CELF4: variants seen among roughly 807,000 people sequenced by gnomAD.
CELF4 encodes the protein CUGBP Elav-like family member 4.
A neutral mutation model predicts 59.9 loss-of-function variants in CELF4; 18 were observed. That is an observed-to-expected ratio of 0.30 (90% CI 0.21 to 0.45). The LOEUF is 0.45. Ranked by LOEUF, CELF4 falls within the 20% of genes least tolerant of loss-of-function variation. The probability of loss-of-function intolerance (pLI) is 1.00; values close to 1 mark genes in which losing one functional copy is unlikely to be tolerated. For synonymous variants in CELF4, 261 were observed against 267.1 expected (o/e 0.98, Z 0.22); for missense variants, 456 against 689.0 (o/e 0.66, Z 3.79).
At chr18:37,437,452 C>T (rs549041769) in intron 2 of CELF4, among the ~76,000 whole-genome samples, 3 of 152,250 alleles carry the variant, frequency 2.0e-5, no homozygotes, top group Admixed American at 1.3e-4. Flanking sequence ...ACCAAACGAT[C>T]CAGAGAGCAC....
At chr18:37,352,892 A>G (rs1569567383) in intron 2 of CELF4, among the ~76,000 whole-genome samples, 1 of 152,098 alleles carries the variant, frequency 6.6e-6, no homozygotes, top group East Asian at 1.9e-4. Flanking sequence ...GCGCCTTGCC[A>G]TTGGTGCCCG....
intron 2 of CELF4, among the ~76,000 whole-genome samples, chr18:37,351,015 C>G (rs886583724): frequency 6.6e-6 from 1 of 152,194 alleles, no homozygotes; most frequent in African/African-American, 2.4e-5. Flanking sequence ...CACATCCCTA[C>G]CCACCTCCCC....
At chr18:37,282,607 C>T (rs1889447046) in intron 3 of CELF4, among the ~76,000 whole-genome samples, 1 of 152,140 alleles carries the variant, frequency 6.6e-6, no homozygotes, top group Admixed American at 6.5e-5. Flanking sequence ...AGCAGCAGAA[C>T]TGCCTTCTAA....
Position 37,357,484 on chromosome 18 carries a change from G to A in CELF4, c.370-35603C>T, listed in dbSNP as rs1012632735. Among the ~76,000 whole-genome samples, 5 of 152,242 alleles carry A rather than the reference G, an allele frequency of 3.3e-5. No homozygotes were observed. In the East Asian group the frequency reaches 7.7e-4, roughly 23 times the overall value. ...GTGGATGCCCAGGCGGAAGTTTGCT[G>A]TAGGGATGGGGTCCTCATGGAGAAC... On this transcript the variant is annotated intron_variant, in intron 2 of 12. Coordinates refer to ENST00000420428, the MANE Select transcript of CELF4 (RefSeq NM_020180.4).
intron 1 of CELF4, among the ~76,000 whole-genome samples, chr18:37,503,743 G>T (rs960723265): frequency 6.6e-6 from 1 of 152,218 alleles, no homozygotes; most frequent in Non-Finnish European, 1.5e-5. Context: ...TCCTGCCCTA[G>T]TTGTCTTACA....
At position 37,403,273 on chromosome 18, in the gene CELF4, C is replaced by T. The variant is rs1298853683; in HGVS notation, c.370-81392G>A. The stretch of plus-strand genomic sequence containing the variant: ...CAAGTTTCGCCTATAATTTCTTAAG[C>T]ATCTGTCAGGCCACTGTCTCCCTGC... On this transcript the variant is annotated intron_variant, in intron 2 of 12. Coordinates refer to ENST00000420428, the MANE Select transcript of CELF4 (RefSeq NM_020180.4). 3.3e-5 allele frequency among the ~76,000 whole-genome samples: 5 copies of T among 152,178 alleles called. No homozygotes were observed. In the East Asian group the frequency reaches 9.6e-4, roughly 29 times the overall value.
At chr18:37,323,614 T>C (rs2097199007) in intron 2 of CELF4, among the ~76,000 whole-genome samples, 1 of 152,066 alleles carries the variant, frequency 6.6e-6, no homozygotes, top group Admixed American at 6.5e-5. Context: ...GGCTGCCATG[T>C]CCTCCTGGAA....
intron 2 of CELF4, among the ~76,000 whole-genome samples, chr18:37,416,186 C>CCATA (rs5824060): frequency 6.7e-6 from 1 of 150,076 alleles, no homozygotes; most frequent in Non-Finnish European, 1.5e-5. Flanking sequence ...GGTCATCCAT[C>CCATA]CATCCATCCG....
intron 2 of CELF4, among the ~76,000 whole-genome samples, chr18:37,331,308 T>C (rs2097534517): frequency 6.6e-6 from 1 of 152,104 alleles, no homozygotes; most frequent in South Asian, 2.1e-4. Flanking sequence ...GTGTCTGCAA[T>C]TGAAGTCACA....
At chr18:37,334,608 G>A (rs1321459321) in intron 2 of CELF4, among the ~76,000 whole-genome samples, 12 of 151,798 alleles carry the variant, frequency 7.9e-5, no homozygotes, top group African/African-American at 2.9e-4. Flanking sequence ...CCCCCTCCAA[G>A]CCCTCCCCTG....
chr18:37,312,355 GCC>G (rs1360638475), intron 3 of CELF4, among the ~76,000 whole-genome samples: 10 of 152,270 alleles, frequency 6.6e-5, no homozygotes, highest in African/African-American at 2.4e-4. Flanking sequence ...TAATCCTTCA[GCC>G]CTTCCTAAAC....
At chr18:37,375,139 G>A (rs796286851) in intron 2 of CELF4, among the ~76,000 whole-genome samples, 7 of 152,280 alleles carry the variant, frequency 4.6e-5, no homozygotes, top group South Asian at 4.1e-4. Context: ...ATGAGAGCCC[G>A]TGGGTGCATG....
chr18:37,533,794 G>A (rs549057977), intron 1 of CELF4, among the ~76,000 whole-genome samples: 1 of 152,358 alleles, frequency 6.6e-6, no homozygotes, highest in East Asian at 1.9e-4. Context: ...CAGAGATGGG[G>A]AGAAATTCGG....
intron 2 of CELF4, among the ~76,000 whole-genome samples, chr18:37,410,876 G>A (rs1382513360): frequency 6.6e-6 from 1 of 152,238 alleles, no homozygotes; most frequent in Non-Finnish European, 1.5e-5. Flanking sequence ...CAGCTGCCCT[G>A]CAGGGGCACT....
rs140194613 is a variant in CELF4 at position 37,447,473 on chromosome 18, C to T, written c.369+38052G>A. 1.5e-3 allele frequency among the ~76,000 whole-genome samples: 235 copies of T among 152,348 alleles called. 3 individuals are homozygous for T. Among genetic ancestry groups the T allele is most frequent in the Middle Eastern group, 0.014 (4 of 294 alleles). ...CTTGCACCCCGTGCTCCTTTACCAC[C>T]CCTTCCAATCCCCATTGACCCGAAC... On this transcript the variant is annotated intron_variant, in intron 2 of 12. Coordinates refer to ENST00000420428, the MANE Select transcript of CELF4 (RefSeq NM_020180.4).
intron 3 of CELF4, among the ~76,000 whole-genome samples, chr18:37,279,562 A>C (rs2093855163): frequency 6.6e-6 from 1 of 152,182 alleles, no homozygotes. Context: ...TTCACTGAGT[A>C]CCTTCTCTGT....
chr18:37,386,013 C>A (rs1203582954), intron 2 of CELF4, among the ~76,000 whole-genome samples: 1 of 152,190 alleles, frequency 6.6e-6, no homozygotes, highest in Non-Finnish European at 1.5e-5. Flanking sequence ...ACTAAACTTG[C>A]AATTCTAAAT....
intron 1 of CELF4, among the ~76,000 whole-genome samples, chr18:37,508,603 A>C (rs755166520): frequency 1.3e-5 from 2 of 152,250 alleles, no homozygotes; most frequent in Non-Finnish European, 2.9e-5. Flanking sequence ...CCACGCTGAC[A>C]AATGCCACAG....
intron 2 of CELF4, among the ~76,000 whole-genome samples, chr18:37,416,952 G>C (rs2099533913): frequency 6.6e-6 from 1 of 151,656 alleles, no homozygotes; most frequent in African/African-American, 2.4e-5. Context: ...GAGGAGGAAA[G>C]GAAGGAGGAC....
Sources: gnomAD v4.1 joint callset for allele counts (sites outside exome capture counted in the v4.1 genomes callset) on GRCh38, gnomAD v4.1.1 for gene constraint, MANE v1.5 for transcripts, NCBI Gene and HGNC (gene_info 2026-07-23, HGNC 2026-07-21) for gene names.